The following PLXNA2 variants were observed in gnomAD, a reference collection of about 807,000 sequenced individuals.
PLXNA2 encodes the protein plexin A2, also known as plexin-A2.
In PLXNA2, 91 loss-of-function variants were observed where a neutral mutation model predicts 193.5. That is an observed-to-expected ratio of 0.47 (90% confidence interval 0.40 to 0.56). The LOEUF is 0.56. Ranked by LOEUF, PLXNA2 falls within the 20% of genes least tolerant of loss-of-function variation. The probability of loss-of-function intolerance (pLI) is 0.00; values close to 1 mark genes in which losing one functional copy is unlikely to be tolerated. For missense variants in PLXNA2, 1,995 were observed against 2,503.2 expected, an observed-to-expected ratio of 0.80 and a Z score of 4.33; for synonymous variants, 997 against 1,027.3, an observed-to-expected ratio of 0.97 and a Z score of 0.56.
rs1665369920 is a variant in PLXNA2 at position 208,054,674 on chromosome 1, T to A, written c.2739-136A>T. The A allele has an allele frequency of 6.0e-6, 4 of 669,904 alleles. No individual in the cohort carries two copies. In the East Asian group the frequency reaches 1.1e-4, roughly 18 times the overall value. 41.5% of individuals were successfully genotyped at this position (669,904 alleles called of 1,614,324 possible). ...GACCAAGACTCAGCTTGGTCATCCA[T>A]CTTGCTGTGTGACCTTGGGTACAGT... On this transcript the variant is annotated intron_variant, in intron 13 of 31. Coordinates refer to ENST00000367033, the MANE Select transcript of PLXNA2 (RefSeq NM_025179.4).
At chr1:208,157,724 C>T (rs1668980643) in intron 3 of PLXNA2, among the ~76,000 whole-genome samples, 1 of 152,180 alleles carries the variant, frequency 6.6e-6, no homozygotes, top group African/African-American at 2.4e-5. Flanking sequence ...TATTTGAGAA[C>T]AGTGTGCTTG....
At chr1:208,144,396 G>A (rs1261464759) in intron 3 of PLXNA2, among the ~76,000 whole-genome samples, 1 of 152,214 alleles carries the variant, frequency 6.6e-6, no homozygotes. Flanking sequence ...TGAGGAGCTT[G>A]AACCAGGGCT....
chr1:208,089,860 C>T (rs984180340), intron 9 of PLXNA2, among the ~76,000 whole-genome samples: 2 of 152,070 alleles, frequency 1.3e-5, no homozygotes, highest in Non-Finnish European at 2.9e-5. Flanking sequence ...GATTCTAGTT[C>T]CCCAAACTAC....
chr1:208,200,324 T>A (rs1275458946), intron 3 of PLXNA2, among the ~76,000 whole-genome samples: 1 of 152,122 alleles, frequency 6.6e-6, no homozygotes, highest in African/African-American at 2.4e-5. Flanking sequence ...ATTTCCTGCC[T>A]CCCTGGACAG....
At chr1:208,096,948 C>A in intron 6 of PLXNA2, 65 bp from the exon 7 acceptor site, 1 of 1,501,336 alleles carries the variant, frequency 6.7e-7, no homozygotes, top group Non-Finnish European at 9.0e-7. Context: ...CCAGGTCCAG[C>A]CCTGCTGTGA....
At chr1:208,093,442 G>A (rs1666777333) in intron 8 of PLXNA2, among the ~76,000 whole-genome samples, 2 of 152,174 alleles carry the variant, frequency 1.3e-5, no homozygotes, top group Admixed American at 6.5e-5. Flanking sequence ...CCTCTGAATT[G>A]GAGTATCTTC....
intron 3 of PLXNA2, among the ~76,000 whole-genome samples, chr1:208,186,864 C>T (rs1238721295): frequency 2.6e-5 from 4 of 151,194 alleles, no homozygotes; most frequent in East Asian, 2.0e-4. Flanking sequence ...GGACTACAGG[C>T]GCCCGCCACC....
At chr1:208,041,235 C>T (rs919090318) in intron 22 of PLXNA2, among the ~76,000 whole-genome samples, 2 of 152,206 alleles carry the variant, frequency 1.3e-5, no homozygotes, top group Non-Finnish European at 2.9e-5. Flanking sequence ...CCACGTGGGG[C>T]CTGGAAGCCT....
intron 3 of PLXNA2, among the ~76,000 whole-genome samples, chr1:208,145,707 A>C (rs1162040512): frequency 6.6e-6 from 1 of 152,232 alleles, no homozygotes; most frequent in East Asian, 1.9e-4. Context: ...GGTCAGGACC[A>C]ATCCCAACCA....
intron 4 of PLXNA2, among the ~76,000 whole-genome samples, chr1:208,130,202 C>T (rs1396559525): frequency 2.6e-5 from 4 of 152,116 alleles, no homozygotes; most frequent in Non-Finnish European, 4.4e-5. Flanking sequence ...GTGGAGATTG[C>T]GGCTGAAAAG....
At chr1:208,072,510 T>C (rs577025740) in intron 12 of PLXNA2, among the ~76,000 whole-genome samples, 1 of 152,190 alleles carries the variant, frequency 6.6e-6, no homozygotes, top group South Asian at 2.1e-4. Flanking sequence ...CTGGGCCCCA[T>C]TGTCTGGCCT....
chr1:208,066,496 T>C (rs1409547650), intron 12 of PLXNA2, among the ~76,000 whole-genome samples: 1 of 152,150 alleles, frequency 6.6e-6, no homozygotes, highest in Non-Finnish European at 1.5e-5. Context: ...AGCTGAAAAA[T>C]TCCTACCACC....
rs767762586 is a variant in PLXNA2 at position 208,103,198 on chromosome 1, T to G, written c.1556A>C (p.Glu519Ala). ...ESCEQYTTCG[E>A]CLSSGDPHCG... Reference sequence around the variant, plus strand: ...GTGAGGGTCCCCAGAGCTCAGGCACTCCCCACAAGTCGTATACTGCTCACA... The same window carrying G: ...GTGAGGGTCCCCAGAGCTCAGGCACGCCCCACAAGTCGTATACTGCTCACA... The change falls in exon 5 of 32, where the codon GAG becomes GCG. Residue 519 changes from glutamate (E) to alanine (A), a missense_variant. Transcript: ENST00000367033. The G allele has an allele frequency of 3.7e-6, 6 of 1,613,942 alleles. No individual in the cohort carries two copies. Among genetic ancestry groups the G allele is most frequent in the Non-Finnish European group, 5.1e-6 (6 of 1,180,004 alleles).
At chr1:208,224,754 C>G (rs1370421574) in intron 1 of PLXNA2, among the ~76,000 whole-genome samples, 1 of 152,140 alleles carries the variant, frequency 6.6e-6, no homozygotes, top group African/African-American at 2.4e-5. Flanking sequence ...TGCATGTACC[C>G]TTGGCAGCCT....
intron 4 of PLXNA2, among the ~76,000 whole-genome samples, chr1:208,134,291 C>G (rs898986145): frequency 2.0e-5 from 3 of 152,154 alleles, no homozygotes; most frequent in South Asian, 4.1e-4. Context: ...CTATCAGCCT[C>G]TTTGTTCCTT....
At position 208,210,376 on chromosome 1, in the gene PLXNA2, G is replaced by A. The variant is rs1231473217; in HGVS notation, c.1275C>T (p.Tyr425=). 1.9e-6 allele frequency: 3 copies of A among 1,613,902 alleles called. No homozygotes were observed. Among genetic ancestry groups the A allele is most frequent in the African/African-American group, 2.7e-5 (2 of 74,886 alleles). ...GSTPVEGLTL[Y]TTSRDRMTSV... ...AGGTCATGCGGTCCCTGCTGGTGGT[G>A]TACAGGGTCAGGCCCTCCACTGGAG... Residue 425 remains tyrosine, a synonymous_variant, in exon 3 of 32, where the codon TAC becomes TAT. Transcript: ENST00000367033.
intron 6 of PLXNA2, 79 bp from the exon 7 acceptor site, chr1:208,096,962 A>C: frequency 7.4e-7 from 1 of 1,356,042 alleles, no homozygotes; most frequent in South Asian, 1.3e-5. Context: ...GCTGTGACCC[A>C]CTTTGCTCAC....
At chr1:208,195,380 A>G (rs77463993) in intron 3 of PLXNA2, among the ~76,000 whole-genome samples, 1,718 of 152,216 alleles carry the variant, frequency 0.011, 39 homozygotes, top group African/African-American at 0.04. Context: ...TTTGGCCCCA[A>G]TCTCTTGACT....
intron 3 of PLXNA2, among the ~76,000 whole-genome samples, chr1:208,204,740 G>A (rs144035343): frequency 3.0e-4 from 45 of 152,292 alleles, no homozygotes; most frequent in African/African-American, 9.9e-4. Flanking sequence ...GAAAAGGAAG[G>A]CCCCTGCCCT....
Sources: allele counts gnomAD v4.1 joint callset (sites outside exome capture counted in the v4.1 genomes callset), GRCh38; gene constraint gnomAD v4.1.1; transcripts MANE v1.5; gene names NCBI Gene and HGNC (gene_info 2026-07-23, HGNC 2026-07-21).